SAMD4A: variants seen among roughly 807,000 people sequenced by gnomAD.
The protein encoded by SAMD4A is sterile alpha motif domain containing 4A, also known as protein Smaug homolog 1.
In SAMD4A, 33 loss-of-function variants were observed where a neutral mutation model predicts 81.3. That is an observed-to-expected ratio of 0.41 (90% CI 0.31 to 0.54). The LOEUF (loss-of-function observed/expected upper bound fraction) is 0.54. Among genes scored for constraint, SAMD4A ranks in the 20% least tolerant of loss-of-function variants. The pLI is 0.37. For synonymous variants in SAMD4A, 389 were observed against 382.1 expected (o/e 1.02, Z -0.21); for missense variants, 854 against 951.1 (o/e 0.90, Z 1.34).
At chr14:54,621,581 C>T (rs994594136) in intron 2 of SAMD4A, among the ~76,000 whole-genome samples, 5 of 151,112 alleles carry the variant, frequency 3.3e-5, no homozygotes, top group African/African-American at 9.8e-5. Flanking sequence ...AGGCTAGTCT[C>T]GAACTTCTGG....
chr14:54,567,957 T>G lies in SAMD4A; in HGVS notation c.41T>G (p.Phe14Cys). The G allele has an allele frequency of 6.2e-7, 1 of 1,610,264 alleles. No individual in the cohort carries two copies. The highest frequency in any genetic ancestry group is 8.5e-7 in the Non-Finnish European group (1 of 1,179,364). ...CAGGTCGGGGTGCTGGCGGGCTGGT[T>G]TAAGGGCTGGAACGAGTGCGAGCAG... Reference protein sequence around the residue: ...RDQVGVLAGWFKGWNECEQTV... With the variant: ...RDQVGVLAGWCKGWNECEQTV... Residue 14 changes from phenylalanine to cysteine, a missense_variant, in exon 2 of 13, where the codon TTT becomes TGT. Phe to Cys is a radical substitution (Grantham distance 205, BLOSUM62 -2). Around this residue, in one of 3 missense-constraint regions of SAMD4A, gnomAD observed 387 missense variants for 405.8 expected, o/e 0.95. Coordinates refer to ENST00000554335, the MANE Select transcript of SAMD4A (RefSeq NM_015589.6).
At chr14:54,758,944 C>A (rs746740225) in intron 6 of SAMD4A, among the ~76,000 whole-genome samples, 3 of 152,172 alleles carry the variant, frequency 2.0e-5, no homozygotes, top group Admixed American at 6.5e-5. Context: ...AGCTTTGTTG[C>A]AGAGGGCCCA....
rs759076152 is a variant in SAMD4A, at chr14:54,702,108, C to A, written c.243C>A (p.Ser81=). Residue 81 remains serine (S), a synonymous_variant, in exon 3 of 13, where the codon TCC becomes TCA. Transcript: ENST00000554335. ...AGGAATCCAAGGATAAAGTGATTTC[C>A]CTCCTGTTAACTCATCTGCCTTTGC... The part of the protein sequence containing the change: ...WQQESKDKVI[S]LLLTHLPLLK... 21 of 1,613,972 alleles carry A rather than the reference C, an allele frequency of 1.3e-5. No individual in the cohort carries two copies. In the Admixed American group the frequency reaches 2.2e-4, roughly 17 times the overall value.
intron 3 of SAMD4A, among the ~76,000 whole-genome samples, chr14:54,717,045 C>G (rs2037136837): frequency 6.6e-6 from 1 of 152,136 alleles, no homozygotes; most frequent in African/African-American, 2.4e-5. Flanking sequence ...GGAGAATGCT[C>G]AAGACTGCAG....
chr14:54,697,271 A>G (rs1253565392), intron 2 of SAMD4A, among the ~76,000 whole-genome samples: 1 of 152,222 alleles, frequency 6.6e-6, no homozygotes, highest in African/African-American at 2.4e-5. Flanking sequence ...AGACACTGCA[A>G]TGCTGGCTGG....
At chr14:54,605,809 G>A (rs1229705696) in intron 2 of SAMD4A, among the ~76,000 whole-genome samples, 4 of 150,422 alleles carry the variant, frequency 2.7e-5, no homozygotes, top group African/African-American at 7.3e-5. Context: ...ATATATATAT[G>A]TATATATATA....
At chr14:54,579,828 T>C (rs770697588) in intron 2 of SAMD4A, among the ~76,000 whole-genome samples, 1 of 152,188 alleles carries the variant, frequency 6.6e-6, no homozygotes, top group Non-Finnish European at 1.5e-5. Context: ...ACATAATTGC[T>C]CATGACGTCC....
upstream of SAMD4A, among the ~76,000 whole-genome samples, chr14:54,566,793 G>A (rs971031811): frequency 5.3e-5 from 8 of 152,008 alleles, no homozygotes; most frequent in Non-Finnish European, 1.0e-4. Context: ...TGACCGCTCC[G>A]GCCGGAGCAG....
intron 12 of SAMD4A, among the ~76,000 whole-genome samples, chr14:54,785,561 A>G (rs1009548135): frequency 2.0e-5 from 3 of 152,150 alleles, no homozygotes; most frequent in Admixed American, 6.5e-5. Context: ...CCGAGAAGCG[A>G]TAGCCCTATC....
At chr14:54,704,069 A>AT (rs888554285) in intron 3 of SAMD4A, among the ~76,000 whole-genome samples, 2 of 152,146 alleles carry the variant, frequency 1.3e-5, no homozygotes, top group Non-Finnish European at 2.9e-5. Flanking sequence ...ACAACATGGG[A>AT]TTTTTTTAAA....
chr14:54,758,060 C>A (rs1366493030), intron 6 of SAMD4A, among the ~76,000 whole-genome samples: 1 of 152,196 alleles, frequency 6.6e-6, no homozygotes, highest in Non-Finnish European at 1.5e-5. Flanking sequence ...GCAGAGACAT[C>A]TGTCATGTGT....
chr14:54,754,359 T>C (rs1331305817), intron 6 of SAMD4A, among the ~76,000 whole-genome samples: 1 of 152,114 alleles, frequency 6.6e-6, no homozygotes, highest in East Asian at 1.9e-4. Flanking sequence ...TGGAAAGAAA[T>C]TGTGAGTTTA....
At chr14:54,724,017 G>GAAGGAAGGAAGGAAGGAAGGAAGGAAGA (rs1566604823) in intron 3 of SAMD4A, among the ~76,000 whole-genome samples, 1 of 138,244 alleles carries the variant, frequency 7.2e-6, no homozygotes, top group African/African-American at 2.5e-5. Context: ...TGGAAGGAAG[G>GAAGGAAGGAAGGAAGGAAGGAAGGAAGA]AAGGAAGGAA....
chr14:54,678,583 C>G (rs2036051634), intron 2 of SAMD4A, among the ~76,000 whole-genome samples: 1 of 147,928 alleles, frequency 6.8e-6, no homozygotes, highest in Admixed American at 6.8e-5. Context: ...GAGTCTCGCT[C>G]TTTCGCCCAG....
At chr14:54,595,433 TTATAA>T (rs559200246) in intron 2 of SAMD4A, among the ~76,000 whole-genome samples, 20 of 148,086 alleles carry the variant, frequency 1.4e-4, no homozygotes, top group African/African-American at 4.4e-4. Flanking sequence ...ATATATATTA[TTATAA>T]TATATAAAAA....
At position 54,702,247 on chromosome 14, in the gene SAMD4A, T is replaced by C; in HGVS notation, c.382T>C (p.Tyr128His). 6.2e-7 allele frequency: 1 copy of C among 1,614,208 alleles called. No individual in the cohort carries two copies. Among genetic ancestry groups the C allele is most frequent in the Non-Finnish European group, 8.5e-7 (1 of 1,180,034 alleles). Residue 128 changes from tyrosine (Y) to histidine (H), a missense_variant, in exon 3 of 13, where the codon TAT becomes CAT. Coordinates refer to ENST00000554335, the MANE Select transcript of SAMD4A (RefSeq NM_015589.6). ...TGAGGAGAGCAGGCAGCTGCTGTCCTATGCTTTGATACATCCAGCCACTTC... is the reference window on the plus strand; with the variant it reads ...TGAGGAGAGCAGGCAGCTGCTGTCCCATGCTTTGATACATCCAGCCACTTC... ...HIEESRQLLS[Y>H]ALIHPATSLE...
intron 2 of SAMD4A, among the ~76,000 whole-genome samples, chr14:54,679,435 T>C (rs2036076960): frequency 6.6e-6 from 1 of 152,216 alleles, no homozygotes; most frequent in South Asian, 2.1e-4. Context: ...AATACCAATC[T>C]GCAACCAAGA....
At chr14:54,713,826 A>G (rs2037052166) in intron 3 of SAMD4A, among the ~76,000 whole-genome samples, 1 of 152,218 alleles carries the variant, frequency 6.6e-6, no homozygotes, top group Non-Finnish European at 1.5e-5. Flanking sequence ...ACAATGAGGC[A>G]GTCTTGATTA....
intron 7 of SAMD4A, among the ~76,000 whole-genome samples, chr14:54,763,007 A>G (rs1198111723): frequency 6.6e-6 from 1 of 151,736 alleles, no homozygotes; most frequent in Non-Finnish European, 1.5e-5. Context: ...GGCGCCCGCC[A>G]CCACGCCTGG....
Sources: gnomAD v4.1 joint callset for allele counts (sites outside exome capture counted in the v4.1 genomes callset) on GRCh38, gnomAD v4.1.1 for gene constraint, gnomAD v4.1.1 regional missense constraint, MANE v1.5 for transcripts, NCBI Gene and HGNC (gene_info 2026-07-23, HGNC 2026-07-21) for gene names.